Variants in KLHDC4 observed in about 807,000 individuals in gnomAD.
The protein encoded by KLHDC4 is kelch domain containing 4.
In KLHDC4, 90 loss-of-function variants were observed where a neutral mutation model predicts 62.4. The observed-to-expected ratio is 1.44, with a 90% CI of 1.22 to 1.72. The LOEUF is 1.72. KLHDC4 is among the 40% of genes most tolerant of loss of function. The pLI is 0.00. For missense variants in KLHDC4, 1,025 were observed against 699.7 expected (o/e 1.47, Z -5.25); for synonymous variants, 386 against 284.4 (o/e 1.36, Z -3.59).
chr16:87,723,788 T>G (rs535381935), intron 7 of KLHDC4, among the ~76,000 whole-genome samples: 2 of 152,264 alleles, frequency 1.3e-5, no homozygotes, highest in Non-Finnish European at 2.9e-5. Flanking sequence ...TGCAGGCATG[T>G]GATTTTCAAC....
At chr16:87,748,296 G>A (rs960999853) in intron 5 of KLHDC4, among the ~76,000 whole-genome samples, 4 of 152,292 alleles carry the variant, frequency 2.6e-5, no homozygotes, top group Middle Eastern at 3.4e-3. Context: ...CAGAAAGAAC[G>A]TGCCTTTTAG....
At chr16:87,707,488 G>A (rs1029307920), downstream of KLHDC4, among the ~76,000 whole-genome samples, 7 of 152,206 alleles carry the variant, frequency 4.6e-5, no homozygotes, top group East Asian at 1.9e-4. Context: ...GCCAGCCAGC[G>A]GTGCTTCACG....
intron 9 of KLHDC4, chr16:87,710,418 C>G (rs2035564810): frequency 6.6e-6 from 1 of 152,276 alleles, no homozygotes; most frequent in African/African-American, 2.4e-5. Context: ...CTAAGATCCA[C>G]TTTGTGTCTG....
At chr16:87,752,100 A>AAAAAAAAAAAAAAT (rs1182184494) in intron 4 of KLHDC4, among the ~76,000 whole-genome samples, 1 of 142,830 alleles carries the variant, frequency 7.0e-6, no homozygotes, top group Non-Finnish European at 1.5e-5. Flanking sequence ...AAAAAAAAAA[A>AAAAAAAAAAAAAAT]AAAAAAAAAA....
At chr16:87,741,249 T>A (rs957920850) in intron 5 of KLHDC4, among the ~76,000 whole-genome samples, 1 of 152,120 alleles carries the variant, frequency 6.6e-6, no homozygotes, top group African/African-American at 2.4e-5. Context: ...AACCAACACA[T>A]AGCAGAAGGC....
At position 87,731,824 on chromosome 16, in the gene KLHDC4, T is replaced by C. The variant is rs539475069; in HGVS notation, c.507-1180A>G. On this transcript the variant is annotated intron_variant, in intron 5 of 11. Transcript: ENST00000270583. ...TCCCTCAGTGGGTGAATGAACAGCA[T>C]GTGGTGCTCCCCACATGGGGGAGGA... is the stretch of plus-strand genomic sequence containing the variant. Among the ~76,000 whole-genome samples, 6 of 152,318 alleles carry C rather than the reference T, an allele frequency of 3.9e-5. No homozygotes were observed. In the East Asian group the frequency reaches 5.8e-4, roughly 15 times the overall value.
intron 7 of KLHDC4, among the ~76,000 whole-genome samples, chr16:87,722,064 G>T (rs922811697): frequency 3.3e-5 from 5 of 152,152 alleles, no homozygotes; most frequent in Non-Finnish European, 7.3e-5. Flanking sequence ...ACATACTAAG[G>T]ACTGAGTCTT....
At chr16:87,762,191 T>A in intron 1 of KLHDC4, 151 bp from the exon 2 acceptor site, 3 of 1,438,742 alleles carry the variant, frequency 2.1e-6, no homozygotes, top group Non-Finnish European at 2.7e-6. Context: ...AAATGCAGAG[T>A]TTGACACATT....
intron 5 of KLHDC4, among the ~76,000 whole-genome samples, chr16:87,746,950 C>T (rs557837039): frequency 6.6e-6 from 1 of 152,218 alleles, no homozygotes; most frequent in East Asian, 1.9e-4. Context: ...CGCGTACGAC[C>T]GAGCCTGCAG....
At chr16:87,749,697 C>G (rs1275189274) in intron 4 of KLHDC4, among the ~76,000 whole-genome samples, 1 of 152,222 alleles carries the variant, frequency 6.6e-6, no homozygotes, top group Non-Finnish European at 1.5e-5. Context: ...GACCCTCCCA[C>G]TTCAGCCTCC....
chr16:87,758,157 G>T (rs768808512), intron 2 of KLHDC4, among the ~76,000 whole-genome samples: 25 of 152,300 alleles, frequency 1.6e-4, no homozygotes, highest in Non-Finnish European at 3.1e-4. Context: ...CATAGGCTGG[G>T]AATTTCTGCA....
At chr16:87,723,006 C>T (rs936654189) in intron 7 of KLHDC4, among the ~76,000 whole-genome samples, 1 of 152,196 alleles carries the variant, frequency 6.6e-6, no homozygotes, top group Non-Finnish European at 1.5e-5. Context: ...TGGCCTGGGC[C>T]GCGCAGCAGC....
chr16:87,709,211 C>A, intron 10 of KLHDC4, 54 bp downstream of exon 10: 2 of 1,562,684 alleles, frequency 1.3e-6, no homozygotes, highest in Non-Finnish European at 1.7e-6. Context: ...GGACGCGACA[C>A]ACGACCGTGG....
exon 1 of KLHDC4, chr16:87,699,823 C>T (rs1023226151): frequency 1.3e-5 from 2 of 152,332 alleles, no homozygotes; most frequent in African/African-American, 4.8e-5. Flanking sequence ...AGGCTCTAAC[C>T]ACACTTGCTC....
intron 2 of KLHDC4, among the ~76,000 whole-genome samples, chr16:87,759,085 T>C (rs1043322418): frequency 1.3e-4 from 19 of 151,994 alleles, no homozygotes; most frequent in Non-Finnish European, 1.9e-4. Context: ...TGAGGAAGAA[T>C]TGCTTGAACC....
Position 87,708,086 on chromosome 16 carries a change from A to G in KLHDC4, c.*2-11T>C, listed in dbSNP as rs747289547. On this transcript the variant is annotated splice_polypyrimidine_tract_variant and intron_variant, in intron 11 of 11. Coordinates refer to ENST00000270583, the MANE Select transcript of KLHDC4 (RefSeq NM_017566.4). Reference sequence around the variant, plus strand: ...CTGGCAGGGGCTCTTCTGATACGCAAGGAGGAAGGAATGAGAGAGAAACAC... The same window carrying G: ...CTGGCAGGGGCTCTTCTGATACGCAGGGAGGAAGGAATGAGAGAGAAACAC... 3.3e-6 allele frequency: 2 copies of G among 599,176 alleles called. No individual in the cohort carries two copies. The highest frequency in any genetic ancestry group is 6.3e-6 in the Non-Finnish European group (2 of 319,396). The allele number at this position is 599,176 out of a possible 1,614,324, so 37.1% of individuals were successfully genotyped here.
chr16:87,719,923 C>G (rs1597463498), intron 7 of KLHDC4, among the ~76,000 whole-genome samples: 1 of 152,206 alleles, frequency 6.6e-6, no homozygotes, highest in Non-Finnish European at 1.5e-5. Flanking sequence ...CCGCACACGC[C>G]AAGTCCCAAC....
chr16:87,709,325 G>A lies in KLHDC4; in HGVS notation c.1387C>T (p.Leu463=). 6 of 1,613,346 alleles carry A rather than the reference G, an allele frequency of 3.7e-6. No individual in the cohort carries two copies. Among genetic ancestry groups the A allele is most frequent in the Non-Finnish European group, 5.1e-6 (6 of 1,179,930 alleles). ...AGDRQVTLSD[L]HCLDLHRMEA... is the part of the protein sequence containing the mutation. ...ATCCTGTGCAGGTCCAGGCAGTGCA[G>A]GTCGCTGAGGGTGACCTGGCGGTCG... The change falls in exon 10 of 12, where the codon CTG becomes TTG. Residue 463 remains leucine (L), a synonymous_variant. Transcript: ENST00000270583.
At chr16:87,740,028 C>G (rs2042011974) in intron 5 of KLHDC4, among the ~76,000 whole-genome samples, 1 of 152,160 alleles carries the variant, frequency 6.6e-6, no homozygotes, top group South Asian at 2.1e-4. Flanking sequence ...GGGCGGGGTC[C>G]TAAAGTGGAG....
Sources: allele counts gnomAD v4.1 joint callset (sites outside exome capture counted in the v4.1 genomes callset), GRCh38; gene constraint gnomAD v4.1.1; transcripts MANE v1.5; gene names NCBI Gene and HGNC (gene_info 2026-07-23, HGNC 2026-07-21).